The following WBP1L variants were observed in gnomAD, a reference collection of about 807,000 sequenced individuals.
The protein encoded by WBP1L is WW domain binding protein 1-like.
A neutral mutation model predicts 33.7 loss-of-function variants in WBP1L; 17 were observed. The ratio of observed to expected loss-of-function variants is 0.50; its 90% confidence interval spans 0.34 to 0.76. The LOEUF (loss-of-function observed/expected upper bound fraction) is 0.76, where lower values mean the gene tolerates loss of function less well. Among genes scored for constraint, WBP1L ranks in the 30% least tolerant of loss-of-function variants. WBP1L has a pLI of 0.01. For missense variants in WBP1L, 389 were observed against 469.4 expected (o/e 0.83, Z 1.58); for synonymous variants, 173 against 190.8 (o/e 0.91, Z 0.77).
At chr10:102,775,931 C>A (rs1015378465) in intron 1 of WBP1L, among the ~76,000 whole-genome samples, 1 of 152,256 alleles carries the variant, frequency 6.6e-6, no homozygotes, top group Admixed American at 6.5e-5. Flanking sequence ...ATGTACCCCC[C>A]AGCCTGCTTA....
chr10:102,777,188 C>G (rs1338311463), intron 1 of WBP1L, among the ~76,000 whole-genome samples: 4 of 152,134 alleles, frequency 2.6e-5, no homozygotes, highest in Admixed American at 1.3e-4. Context: ...ACCCCCACCC[C>G]CTCTTCGTCT....
At chr10:102,749,351 G>A (rs1240790145) in intron 1 of WBP1L, among the ~76,000 whole-genome samples, 2 of 152,132 alleles carry the variant, frequency 1.3e-5, no homozygotes, top group African/African-American at 4.8e-5. Context: ...GCTCACTGCA[G>A]CTTTGAACTC....
At chr10:102,772,291 C>CG (rs1416541428) in intron 1 of WBP1L, among the ~76,000 whole-genome samples, 67 of 112,084 alleles carry the variant, frequency 6.0e-4, no homozygotes, top group East Asian at 6.1e-4. Flanking sequence ...GAGACAGTCT[C>CG]GCTCTGTCGC....
chr10:102,813,109 C>T lies in WBP1L; in HGVS notation c.870C>T (p.Phe290=). 1 of 1,613,960 alleles carries T rather than the reference C, an allele frequency of 6.2e-7. No homozygotes were observed. Among genetic ancestry groups the T allele is most frequent in the Non-Finnish European group, 8.5e-7 (1 of 1,180,024 alleles). Reference sequence around the variant, plus strand: ...ACCATGACGATGACCTCAAAGAGTTCAACACACTCATCGATGATGCTCTGG... The same window carrying T: ...ACCATGACGATGACCTCAAAGAGTTTAACACACTCATCGATGATGCTCTGG... The part of the protein sequence containing the change: ...RGHHDDDLKE[F]NTLIDDALDG... The change falls in exon 4 of 4, where the codon TTC becomes TTT. Residue 290 remains phenylalanine, a synonymous_variant. Transcript: ENST00000448841.
intron 3 of WBP1L, among the ~76,000 whole-genome samples, chr10:102,811,089 C>T (rs2134069526): frequency 6.6e-6 from 1 of 152,152 alleles, no homozygotes; most frequent in Middle Eastern, 3.4e-3. Context: ...GTGCTAAGCA[C>T]CTAGTCCTTC....
chr10:102,760,024 T>C (rs1843018067), intron 1 of WBP1L, among the ~76,000 whole-genome samples: 2 of 152,322 alleles, frequency 1.3e-5, no homozygotes, highest in Admixed American at 6.5e-5. Flanking sequence ...CTTGTTATGG[T>C]CTGCCTTTTT....
At chr10:102,779,802 C>T (rs1217406010) in intron 1 of WBP1L, among the ~76,000 whole-genome samples, 2 of 152,172 alleles carry the variant, frequency 1.3e-5, no homozygotes, top group Non-Finnish European at 2.9e-5. Flanking sequence ...GAGAGCAGAG[C>T]GTGGGGGCAG....
chr10:102,812,778 G>A lies in WBP1L; in HGVS notation c.539G>A (p.Ser180Asn). The change falls in exon 4 of 4, where the codon AGC (serine) becomes AAC (asparagine). Residue 180 changes from serine (S) to asparagine (N), a missense_variant. Coordinates refer to ENST00000448841, the MANE Select transcript of WBP1L (RefSeq NM_001083913.2). ...AGGGGATCCCAGGGGGCACAGAGCA[G>A]CCCCTTGTCTGAGCCCAGCAGAAGC... ...PTRGSQGAQS[S>N]PLSEPSRSST... The A allele has an allele frequency of 3.7e-6, 6 of 1,610,500 alleles. No homozygotes were observed. Among genetic ancestry groups the A allele is most frequent in the Non-Finnish European group, 5.1e-6 (6 of 1,178,506 alleles).
chr10:102,778,847 AT>A (rs1843299791), intron 1 of WBP1L, among the ~76,000 whole-genome samples: 1 of 151,904 alleles, frequency 6.6e-6, no homozygotes. Context: ...ACTTTGATTT[AT>A]TTTTTTCCCT....
intron 1 of WBP1L, among the ~76,000 whole-genome samples, chr10:102,770,673 A>G (rs1843175896): frequency 6.6e-6 from 1 of 152,074 alleles, no homozygotes; most frequent in Non-Finnish European, 1.5e-5. Flanking sequence ...GACCTCATAG[A>G]ACCTTGCTTT....
chr10:102,815,136 G>A lies in WBP1L; in HGVS notation c.*1805G>A, dbSNP rs147384510. 237 of 152,644 alleles carry A rather than the reference G, an allele frequency of 1.6e-3. 1 individual carries two copies. The highest frequency in any genetic ancestry group is 5.6e-3 in the African/African-American group (232 of 41,530). 9.5% of individuals were successfully genotyped at this position (152,644 alleles called of 1,614,324 possible). A position where few individuals can be genotyped will look rare whatever the true frequency, so the allele number is the denominator to read the frequency against. On this transcript the variant is annotated 3_prime_UTR_variant, in exon 4 of 4. Transcript: ENST00000448841. ...CTGGAGCACAGACAGGCCTCTCAAGGTCATTGATCTTACGCATTTACTGTT... is the reference window on the plus strand; with the variant it reads ...CTGGAGCACAGACAGGCCTCTCAAGATCATTGATCTTACGCATTTACTGTT...
At position 102,785,518 on chromosome 10, in the gene WBP1L, G is replaced by C. The variant is rs570533355; in HGVS notation, c.91-12475G>C. On this transcript the variant is annotated intron_variant, in intron 1 of 3. Transcript: ENST00000448841. ...CACTTTTTAAAAGTTGAAAAACAAC[G>C]GTGCCATGTAGGCATAGAACTCATT... 4.6e-3 allele frequency among the ~76,000 whole-genome samples: 684 copies of C among 149,310 alleles called. 2 individuals carry two copies. Among genetic ancestry groups the C allele is most frequent in the Non-Finnish European group, 6.6e-3 (452 of 68,014 alleles).
At chr10:102,785,204 A>G (rs1420460122) in intron 1 of WBP1L, among the ~76,000 whole-genome samples, 1 of 98,944 alleles carries the variant, frequency 1.0e-5, no homozygotes, top group Non-Finnish European at 2.0e-5. Context: ...TTTTTTTGAG[A>G]CAGAGTTTCG....
intron 2 of WBP1L, among the ~76,000 whole-genome samples, chr10:102,798,391 C>T (rs945308898): frequency 6.6e-6 from 1 of 152,034 alleles, no homozygotes; most frequent in Non-Finnish European, 1.5e-5. Flanking sequence ...CTGACAACAA[C>T]TTAGATGCTT....
At chr10:102,764,956 A>C (rs1843089604) in intron 1 of WBP1L, among the ~76,000 whole-genome samples, 1 of 152,186 alleles carries the variant, frequency 6.6e-6, no homozygotes, top group South Asian at 2.1e-4. Flanking sequence ...CTATTTCTCC[A>C]AATCCAAAAA....
intron 1 of WBP1L, among the ~76,000 whole-genome samples, chr10:102,787,403 G>A (rs1402188322): frequency 1.3e-5 from 2 of 151,950 alleles, no homozygotes; most frequent in Non-Finnish European, 2.9e-5. Flanking sequence ...CCTGAGCAAC[G>A]TAGTGAGATC....
At chr10:102,810,383 C>T (rs1001175654) in intron 3 of WBP1L, among the ~76,000 whole-genome samples, 1 of 81,466 alleles carries the variant, frequency 1.2e-5, no homozygotes, top group East Asian at 2.6e-4. Context: ...TCCTTCCTCC[C>T]TCCCTCTTTC....
chr10:102,750,746 C>T (rs1033080409), intron 1 of WBP1L, among the ~76,000 whole-genome samples: 15 of 152,110 alleles, frequency 9.9e-5, no homozygotes, highest in African/African-American at 3.4e-4. Context: ...TGTGATCCGC[C>T]CGCCTCAGCC....
At chr10:102,766,629 A>G (rs1324366067) in intron 1 of WBP1L, among the ~76,000 whole-genome samples, 1 of 151,310 alleles carries the variant, frequency 6.6e-6, no homozygotes, top group African/African-American at 2.4e-5. Flanking sequence ...TCTCAAAAAC[A>G]AAAAGCCGGC....
Sources: allele counts gnomAD v4.1 joint callset (sites outside exome capture counted in the v4.1 genomes callset), GRCh38; gene constraint gnomAD v4.1.1; transcripts MANE v1.5; gene names NCBI Gene and HGNC (gene_info 2026-07-23, HGNC 2026-07-21).